Variants in CCND3 observed in about 807,000 individuals in gnomAD.
The protein encoded by CCND3 is G1/S-specific cyclin-D3.
CCND3 carries 9 observed loss-of-function variants against 28.7 expected under a neutral mutation model. The observed-to-expected ratio is 0.31, with a 90% CI of 0.19 to 0.55. The LOEUF (loss-of-function observed/expected upper bound fraction) is 0.55. CCND3 is among the 20% of genes least tolerant of loss of function. The probability of loss-of-function intolerance (pLI) is 0.93; values close to 1 mark genes in which losing one functional copy is unlikely to be tolerated. For synonymous variants in CCND3, 164 were observed against 163.9 expected, an observed-to-expected ratio of 1.00 and a Z score of 0.00; for missense variants, 315 against 385.8, an observed-to-expected ratio of 0.82 and a Z score of 1.54.
intron 1 of CCND3, among the ~76,000 whole-genome samples, chr6:42,020,537 G>C (rs1251104403): frequency 1.3e-5 from 2 of 152,092 alleles, no homozygotes; most frequent in Non-Finnish European, 2.9e-5. Context: ...AGAATCCCTG[G>C]CCTTGCCAGG....
intron 1 of CCND3, among the ~76,000 whole-genome samples, chr6:42,011,867 G>A (rs778565058): frequency 1.1e-4 from 17 of 152,114 alleles, no homozygotes; most frequent in Non-Finnish European, 2.2e-4. Flanking sequence ...GACTCAGATC[G>A]AGGAGGAAAT....
At chr6:42,024,120 A>G (rs1763794700) in intron 1 of CCND3, among the ~76,000 whole-genome samples, 1 of 152,114 alleles carries the variant, frequency 6.6e-6, no homozygotes, top group Admixed American at 6.6e-5. Flanking sequence ...AATGCACCCC[A>G]TGGCTGGGTG....
intron 1 of CCND3, among the ~76,000 whole-genome samples, chr6:41,970,122 C>T (rs1227742128): frequency 1.3e-5 from 2 of 152,112 alleles, no homozygotes; most frequent in East Asian, 1.9e-4. Context: ...GGGTGGATCA[C>T]GAGGTCAAGA....
At chr6:41,987,452 A>G (rs1165120532) in intron 1 of CCND3, among the ~76,000 whole-genome samples, 1 of 148,032 alleles carries the variant, frequency 6.8e-6, no homozygotes, top group Non-Finnish European at 1.5e-5. Context: ...GCCTTCTGTA[A>G]CCACAACTCC....
At chr6:42,009,302 C>A (rs975716354) in intron 1 of CCND3, among the ~76,000 whole-genome samples, 19 of 152,132 alleles carry the variant, frequency 1.2e-4, no homozygotes, top group Admixed American at 3.3e-4. Context: ...ATGGTGAAAC[C>A]CTGTCTTTAC....
At chr6:41,995,946 T>A (rs1017357516) in intron 1 of CCND3, among the ~76,000 whole-genome samples, 1 of 151,218 alleles carries the variant, frequency 6.6e-6, no homozygotes, top group Non-Finnish European at 1.5e-5. Flanking sequence ...GTTAATAAAA[T>A]TTTTTTAAAA....
intron 1 of CCND3, among the ~76,000 whole-genome samples, chr6:42,032,698 A>G (rs1244301401): frequency 1.3e-5 from 2 of 152,206 alleles, no homozygotes; most frequent in East Asian, 3.9e-4. Context: ...CAGCACAGCC[A>G]CTTCCCTCTG....
chr6:41,999,657 A>C (rs1762928807), intron 1 of CCND3, among the ~76,000 whole-genome samples: 1 of 152,162 alleles, frequency 6.6e-6, no homozygotes, highest in Non-Finnish European at 1.5e-5. Flanking sequence ...CACTTAGGGA[A>C]GCCAAGGCTG....
chr6:41,965,757 C>T (rs1761870415), intron 1 of CCND3, among the ~76,000 whole-genome samples: 1 of 152,180 alleles, frequency 6.6e-6, no homozygotes, highest in Non-Finnish European at 1.5e-5. Flanking sequence ...AGCGCCCTCC[C>T]ACCCCAAAGG....
chr6:41,943,239 C>A (rs1380247874), upstream of CCND3, among the ~76,000 whole-genome samples: 1 of 151,966 alleles, frequency 6.6e-6, no homozygotes, highest in Admixed American at 6.6e-5. Flanking sequence ...TAGAAAACTT[C>A]AAAAATACAA....
chr6:42,000,564 C>CTTTT (rs774090777), intron 1 of CCND3, among the ~76,000 whole-genome samples: 7,930 of 85,176 alleles, frequency 0.093, 1,124 homozygotes, highest in Admixed American at 0.17. Flanking sequence ...TGAAACGAAT[C>CTTTT]TTTTTTTTTT....
chr6:41,947,613 A>G (rs6933697), intron 1 of CCND3, among the ~76,000 whole-genome samples: 49,766 of 151,960 alleles, frequency 0.33, 9,006 homozygotes, highest in African/African-American at 0.48. Flanking sequence ...TATTTCCAAA[A>G]TCTACTCTTT....
intron 1 of CCND3, among the ~76,000 whole-genome samples, chr6:41,961,705 C>A (rs1761721193): frequency 6.6e-6 from 1 of 152,134 alleles, no homozygotes; most frequent in Non-Finnish European, 1.5e-5. Flanking sequence ...TCCTCTATTC[C>A]TTCAGCCTCA....
rs1018563511 is a variant in CCND3 at position 41,936,238 on chromosome 6, C to T, written c.712-131G>A. The T allele has an allele frequency of 3.5e-5, 35 of 1,006,884 alleles. No individual in the cohort carries two copies. The highest frequency in any genetic ancestry group is 4.4e-5 in the Non-Finnish European group (31 of 700,602). 62.4% of individuals were successfully genotyped at this position (1,006,884 alleles called of 1,614,324 possible). A position where few individuals can be genotyped will look rare whatever the true frequency, so the allele number is the denominator to read the frequency against. ...TAGGCCACAGCCCGGCCCCAGGAATCGCTCTTTAGTTCTCAGAAACTAGCA... is the reference window on the plus strand; with the variant it reads ...TAGGCCACAGCCCGGCCCCAGGAATTGCTCTTTAGTTCTCAGAAACTAGCA... On this transcript the variant is annotated intron_variant, in intron 4 of 4. Transcript: ENST00000372991. The surrounding 1 kb of genome is among the most constrained non-coding windows in gnomAD (Gnocchi z 4.4).
rs1775761035 is a variant in CCND3, at chr6:41,935,760, T to C, written c.*180A>G. 5 of 596,726 alleles carry C rather than the reference T, an allele frequency of 8.4e-6. No homozygotes were observed. Among genetic ancestry groups the C allele is most frequent in the Middle Eastern group, 4.4e-4 (1 of 2,248 alleles). 37.0% of individuals were successfully genotyped at this position (596,726 alleles called of 1,614,324 possible). On this transcript the variant is annotated 3_prime_UTR_variant, in exon 5 of 5. Transcript: ENST00000372991. ...TTGACTAGCCACCGAAATGCAGACA[T>C]GGCTGGCCGGGCCCCTTAGTGCACA...
At position 42,048,693 on chromosome 6, in the gene CCND3, A is replaced by C; in HGVS notation, c.-238T>G. The C allele has an allele frequency of 3.9e-6, 2 of 517,084 alleles. No homozygotes were observed. The highest frequency in any genetic ancestry group is 3.9e-6 in the Non-Finnish European group (1 of 259,222). 32.0% of individuals were successfully genotyped at this position (517,084 alleles called of 1,614,324 possible). ...CCCTGCAGTGGCGAAGTGTTTACAA[A>C]GTCCGCGCCGCGCCGCCGATCCAGA... On this transcript the variant is annotated 5_prime_UTR_variant, in exon 1 of 5. Coordinates refer to the CCND3 transcript ENST00000372988. The surrounding 1 kb of genome is among the most constrained non-coding windows in gnomAD (Gnocchi z 4.7).
intron 1 of CCND3, among the ~76,000 whole-genome samples, chr6:42,042,111 C>A (rs988179447): frequency 1.3e-5 from 2 of 152,152 alleles, no homozygotes; most frequent in African/African-American, 4.8e-5. Flanking sequence ...AGCTTGTGGA[C>A]CGATTTTTAT....
Position 41,941,377 on chromosome 6 carries a change from G to C in CCND3, c.198+75C>G. On this transcript the variant is annotated intron_variant, in intron 1 of 4. Coordinates refer to ENST00000372991, the MANE Select transcript of CCND3 (RefSeq NM_001760.5). This position sits in a 1 kb window ranked among gnomAD's most constrained non-coding sequence, Gnocchi z 6.1. Reference sequence around the variant, plus strand: ...ATCCTGCAGATTGCTGTGGGGACCGGGATGTCCCGACAGGGCGGCCCCGGT... The same window carrying C: ...ATCCTGCAGATTGCTGTGGGGACCGCGATGTCCCGACAGGGCGGCCCCGGT... The C allele has an allele frequency of 6.4e-7, 1 of 1,570,222 alleles. No individual in the cohort carries two copies. The highest frequency in any genetic ancestry group is 1.2e-5 in the South Asian group (1 of 86,548).
chr6:41,946,294 G>A (rs144040096), upstream of CCND3, among the ~76,000 whole-genome samples: 223 of 151,810 alleles, frequency 1.5e-3, no homozygotes, highest in African/African-American at 5.2e-3. Flanking sequence ...TTGTGATTGC[G>A]GGACTTAAAA....
Sources: gnomAD v4.1 joint callset for allele counts (sites outside exome capture counted in the v4.1 genomes callset) on GRCh38, gnomAD v4.1.1 for gene constraint, Gnocchi (gnomAD v3.1) non-coding constraint, MANE v1.5 for transcripts, NCBI Gene and HGNC (gene_info 2026-07-23, HGNC 2026-07-21) for gene names.